ZNF236: variants seen among roughly 807,000 people sequenced by gnomAD.
The protein encoded by ZNF236 is zinc finger protein 236.
A neutral mutation model predicts 191.2 loss-of-function variants in ZNF236; 50 were observed. The ratio of observed to expected loss-of-function variants is 0.26; its 90% CI spans 0.21 to 0.33. ZNF236 has a LOEUF of 0.33. Among genes scored for constraint, ZNF236 ranks in the 10% least tolerant of loss-of-function variants. The probability of loss-of-function intolerance (pLI) is 1.00; values close to 1 mark genes in which losing one functional copy is unlikely to be tolerated. For synonymous variants in ZNF236, 907 were observed against 928.8 expected, an observed-to-expected ratio of 0.98 and a Z score of 0.43; for missense variants, 1,754 against 2,374.5, an observed-to-expected ratio of 0.74 and a Z score of 5.43.
chr18:76,847,546 A>G (rs1222824693), intron 1 of ZNF236, among the ~76,000 whole-genome samples: 1 of 151,976 alleles, frequency 6.6e-6, no homozygotes, highest in African/African-American at 2.4e-5. Context: ...GCTCACTGCA[A>G]GCTCGGCCTC....
intron 9 of ZNF236, chr18:76,886,196 C>T (rs1977049731): frequency 6.6e-6 from 1 of 152,168 alleles, no homozygotes; most frequent in Non-Finnish European, 1.5e-5. Context: ...GGAGAAAGCC[C>T]TGATAAGTCT....
At chr18:76,841,694 CTT>C (rs371645927) in intron 1 of ZNF236, among the ~76,000 whole-genome samples, 1 of 128,832 alleles carries the variant, frequency 7.8e-6, no homozygotes, top group Admixed American at 8.0e-5. Flanking sequence ...TTTTTTTTTT[CTT>C]TTTTTTTTTT....
chr18:76,825,646 A>C (rs1250192143), intron 1 of ZNF236, among the ~76,000 whole-genome samples: 1 of 152,270 alleles, frequency 6.6e-6, no homozygotes, highest in African/African-American at 2.4e-5. Context: ...CATAAAAATA[A>C]TTATGTTAAT....
chr18:76,847,591 G>A (rs1231022597), intron 1 of ZNF236, among the ~76,000 whole-genome samples: 1 of 151,860 alleles, frequency 6.6e-6, no homozygotes, highest in African/African-American at 2.4e-5. Flanking sequence ...TCAGCCTCCC[G>A]AGTAGCTGGG....
At position 76,959,701 on chromosome 18, in the gene ZNF236, A is replaced by T. The variant is rs1968612871; in HGVS notation, c.5127A>T (p.Thr1709=). 1 of 1,612,166 alleles carries T rather than the reference A, an allele frequency of 6.2e-7. No homozygotes were observed. Among genetic ancestry groups the T allele is most frequent in the African/African-American group, 1.3e-5 (1 of 74,896 alleles). The change falls in exon 29 of 31, where the codon ACA becomes ACT. Residue 1709 remains threonine, a synonymous_variant. Transcript: ENST00000320610. The stretch of plus-strand genomic sequence containing the variant: ...TTGTCTCCCAGGAGCACATGCAGAC[A>T]CACCAGGCCGGCCCCTCTTTGAGCT... ...RATHLKEHMQ[T]HQAGPSLSSQ...
chr18:76,924,594 T>A (rs1295634182), intron 21 of ZNF236, among the ~76,000 whole-genome samples: 1 of 152,220 alleles, frequency 6.6e-6, no homozygotes, highest in Non-Finnish European at 1.5e-5. Flanking sequence ...GGGTGGAGCC[T>A]ATGCTCATGG....
At chr18:76,877,087 T>C (rs1004519716) in intron 6 of ZNF236, among the ~76,000 whole-genome samples, 1 of 152,236 alleles carries the variant, frequency 6.6e-6, no homozygotes, top group East Asian at 1.9e-4. Context: ...CTAGCCTTCA[T>C]AGTTCTACAG....
rs1968926465 is a variant in ZNF236, at chr18:76,972,763, T to G, written c.*4424T>G. Among the ~76,000 whole-genome samples the G allele has an allele frequency of 6.6e-6, 1 of 152,236 alleles. No homozygotes were observed. The highest frequency in any genetic ancestry group is 2.4e-5 in the African/African-American group (1 of 41,464). On this transcript the variant is annotated 3_prime_UTR_variant, in exon 31 of 31. Transcript: ENST00000320610. ...ATTACAGAAGAATTCTCTTTTTATC[T>G]TCACAATTGTTTCATGATCTATTTA...
intron 11 of ZNF236, among the ~76,000 whole-genome samples, chr18:76,903,120 C>A (rs901366514): frequency 6.6e-5 from 10 of 152,196 alleles, no homozygotes; most frequent in Admixed American, 6.5e-4. Flanking sequence ...CTGATGCAAG[C>A]TTCAGGAAGC....
chr18:76,822,851 G>C (rs1284470536), intron 1 of ZNF236, among the ~76,000 whole-genome samples, 189 bp downstream of exon 1: 1 of 146,956 alleles, frequency 6.8e-6, no homozygotes, highest in East Asian at 2.0e-4. Flanking sequence ...ATACGGGCGA[G>C]TCGCCGCCCG....
intron 13 of ZNF236, 32 bp downstream of exon 13, chr18:76,905,447 A>G (rs763567187): frequency 6.2e-7 from 1 of 1,601,628 alleles, no homozygotes; most frequent in Non-Finnish European, 8.5e-7. Context: ...ACTTTTTATC[A>G]TCTTTATAAT....
At chr18:76,840,786 T>TGTGTGTGTGTGCGC (rs1261601862) in intron 1 of ZNF236, 2 of 147,094 alleles carry the variant, frequency 1.4e-5, no homozygotes, top group African/African-American at 5.0e-5. Context: ...TGTGTGTGTG[T>TGTGTGTGTGTGCGC]GTGTGTGTGT....
At chr18:76,845,677 T>C (rs528610237) in intron 1 of ZNF236, among the ~76,000 whole-genome samples, 1 of 152,118 alleles carries the variant, frequency 6.6e-6, no homozygotes, top group Non-Finnish European at 1.5e-5. Flanking sequence ...GGTGAAACCC[T>C]GTCTCTACTA....
At chr18:76,848,506 A>T (rs1270071854) in intron 1 of ZNF236, among the ~76,000 whole-genome samples, 1 of 152,146 alleles carries the variant, frequency 6.6e-6, no homozygotes, top group Non-Finnish European at 1.5e-5. Flanking sequence ...ATTCTGTGAT[A>T]TGTTATTTGT....
intron 4 of ZNF236, 59 bp downstream of exon 4, chr18:76,868,922 A>G (rs1976505063): frequency 6.7e-7 from 1 of 1,482,996 alleles, no homozygotes; most frequent in Non-Finnish European, 9.0e-7. Context: ...AAGCTGGCGC[A>G]CTTTGGTACG....
Position 76,925,383 on chromosome 18 carries a change from C to G in ZNF236, c.3856C>G (p.Pro1286Ala). The G allele has an allele frequency of 6.2e-7, 1 of 1,614,156 alleles. No individual in the cohort carries two copies. The highest frequency in any genetic ancestry group is 8.5e-7 in the Non-Finnish European group (1 of 1,180,032). ...YKPDPKKARK[P>A]MTRSSSEGLQ... Reference sequence around the variant, plus strand: ...ACCAGACCCAAAGAAGGCCAGAAAGCCTATGACTCGAAGCTCATCGGAAGG... The same window carrying G: ...ACCAGACCCAAAGAAGGCCAGAAAGGCTATGACTCGAAGCTCATCGGAAGG... Residue 1286 changes from proline to alanine, a missense_variant, in exon 22 of 31, where the codon CCT becomes GCT. Transcript: ENST00000320610. This position sits in a 1 kb window ranked among gnomAD's most constrained non-coding sequence, Gnocchi z 5.7.
chr18:76,940,719 G>C (rs1568240205), intron 26 of ZNF236, among the ~76,000 whole-genome samples: 1 of 152,196 alleles, frequency 6.6e-6, no homozygotes, highest in Non-Finnish European at 1.5e-5. Flanking sequence ...TCTCAGTATT[G>C]TCTAGGTTGT....
chr18:76,842,751 CAAAA>C (rs547978801), intron 1 of ZNF236, among the ~76,000 whole-genome samples: 2 of 123,110 alleles, frequency 1.6e-5, no homozygotes, highest in South Asian at 2.7e-4. Context: ...AACTCTGTCT[CAAAA>C]AAAAAAAAAA....
Position 76,908,530 on chromosome 18 carries a change from G to A in ZNF236, c.2508G>A (p.Gly836=), listed in dbSNP as rs1353591670. The A allele has an allele frequency of 6.2e-7, 1 of 1,612,926 alleles. No individual in the cohort carries two copies. The highest frequency in any genetic ancestry group is 8.5e-7 in the Non-Finnish European group (1 of 1,179,728). The change falls in exon 14 of 31, where the codon GGG becomes GGA. Residue 836 remains glycine, a synonymous_variant. Coordinates refer to ENST00000320610, the MANE Select transcript of ZNF236 (RefSeq NM_001306089.2). ...PQHVVGTEEA[G]LGQQLADQPL... ...ATGTGGTGGGCACGGAGGAAGCAGG[G>A]CTGGGCCAGCAGTTGGCAGATCAGC...
Sources: allele counts gnomAD v4.1 joint callset (sites outside exome capture counted in the v4.1 genomes callset), GRCh38; gene constraint gnomAD v4.1.1; non-coding constraint Gnocchi (gnomAD v3.1); transcripts MANE v1.5; gene names NCBI Gene and HGNC (gene_info 2026-07-23, HGNC 2026-07-21).